EXOC4: variants seen among roughly 807,000 people sequenced by gnomAD.
EXOC4 encodes exocyst complex component 4.
Under a neutral mutation model 107.2 loss-of-function variants are expected in EXOC4, and 71 were observed. The ratio of observed to expected loss-of-function variants is 0.66; its 90% CI spans 0.55 to 0.81. EXOC4 has a LOEUF of 0.81. Ranked by LOEUF, EXOC4 falls within the 30% of genes least tolerant of loss-of-function variation. The probability of loss-of-function intolerance (pLI) is 0.00; values close to 1 mark genes in which losing one functional copy is unlikely to be tolerated. For missense variants in EXOC4, 1,108 were observed against 1,189.6 expected (o/e 0.93, Z 1.01); for synonymous variants, 456 against 441.2 (o/e 1.03, Z -0.42).
intron 10 of EXOC4, among the ~76,000 whole-genome samples, chr7:133,716,616 A>T (rs962432421): frequency 6.6e-6 from 1 of 152,174 alleles, no homozygotes; most frequent in East Asian, 1.9e-4. Flanking sequence ...ATATGTTTGT[A>T]ATTATAGGAT....
chr7:133,487,250 C>T (rs1234009897), intron 9 of EXOC4, among the ~76,000 whole-genome samples: 1 of 152,184 alleles, frequency 6.6e-6, no homozygotes, highest in African/African-American at 2.4e-5. Context: ...TTGGTCATCA[C>T]ACAGAACCAG....
intron 10 of EXOC4, among the ~76,000 whole-genome samples, chr7:133,676,215 C>T (rs1259486097): frequency 6.6e-6 from 1 of 151,962 alleles, no homozygotes; most frequent in Non-Finnish European, 1.5e-5. Context: ...CTTCCTTGTA[C>T]TCTATGAGAA....
At chr7:133,527,331 G>T (rs1800099654) in intron 9 of EXOC4, among the ~76,000 whole-genome samples, 1 of 152,024 alleles carries the variant, frequency 6.6e-6, no homozygotes, top group Non-Finnish European at 1.5e-5. Flanking sequence ...ATGAACCTGG[G>T]ACGTGGAGGT....
intron 9 of EXOC4, among the ~76,000 whole-genome samples, chr7:133,493,756 G>T (rs2150877912): frequency 6.6e-6 from 1 of 152,134 alleles, no homozygotes; most frequent in African/African-American, 2.4e-5. Context: ...AATGTTAAGT[G>T]ACATCCATTT....
chr7:133,990,531 C>G (rs1794227785), intron 14 of EXOC4, among the ~76,000 whole-genome samples: 1 of 152,060 alleles, frequency 6.6e-6, no homozygotes, highest in African/African-American at 2.4e-5. Flanking sequence ...CTCACTGCAA[C>G]CTCCTCCTCC....
chr7:133,305,175 A>G (rs924467015), intron 3 of EXOC4, among the ~76,000 whole-genome samples: 2 of 150,932 alleles, frequency 1.3e-5, no homozygotes, highest in East Asian at 3.9e-4. Flanking sequence ...AGGCATTCCT[A>G]TACCAGTTTG....
At chr7:134,062,886 G>T (rs1384712902) in intron 17 of EXOC4, among the ~76,000 whole-genome samples, 1 of 152,198 alleles carries the variant, frequency 6.6e-6, no homozygotes, top group African/African-American at 2.4e-5. Context: ...TTCTATTACA[G>T]GCACAAGTCT....
intron 7 of EXOC4, among the ~76,000 whole-genome samples, chr7:133,472,062 C>T (rs1310498171): frequency 2.0e-5 from 3 of 152,030 alleles, no homozygotes; most frequent in African/African-American, 7.3e-5. Context: ...ATGAGAATGC[C>T]CACATATATT....
At chr7:133,821,925 T>C (rs762774046) in intron 11 of EXOC4, among the ~76,000 whole-genome samples, 1 of 152,190 alleles carries the variant, frequency 6.6e-6, no homozygotes, top group Non-Finnish European at 1.5e-5. Context: ...TACCAGGACA[T>C]GGCTGTGTTT....
At chr7:133,913,502 G>A (rs1799740882) in intron 12 of EXOC4, among the ~76,000 whole-genome samples, 1 of 152,200 alleles carries the variant, frequency 6.6e-6, no homozygotes, top group African/African-American at 2.4e-5. Flanking sequence ...ACCTGGACAG[G>A]AAATGACAGA....
At chr7:133,435,608 A>G (rs925341185) in intron 7 of EXOC4, among the ~76,000 whole-genome samples, 1 of 152,162 alleles carries the variant, frequency 6.6e-6, no homozygotes. Context: ...AGTTTCTGCT[A>G]TTCTTAGTGG....
At chr7:133,314,095 C>T (rs929828150) in intron 4 of EXOC4, among the ~76,000 whole-genome samples, 1 of 151,518 alleles carries the variant, frequency 6.6e-6, no homozygotes, top group African/African-American at 2.4e-5. Flanking sequence ...GATTAAAAAC[C>T]CGTTGAAGGT....
intron 10 of EXOC4, among the ~76,000 whole-genome samples, chr7:133,724,422 A>T (rs1416118442): frequency 6.6e-6 from 1 of 152,224 alleles, no homozygotes; most frequent in South Asian, 2.1e-4. Context: ...GTTTTCATTC[A>T]TAAGTTCATT....
intron 3 of EXOC4, among the ~76,000 whole-genome samples, chr7:133,292,030 T>A (rs2150550315): frequency 6.6e-6 from 1 of 152,266 alleles, no homozygotes; most frequent in Admixed American, 6.5e-5. Context: ...GGTGAAGAGA[T>A]TCTCTCATCT....
At chr7:133,989,867 A>G (rs1234587870) in intron 14 of EXOC4, among the ~76,000 whole-genome samples, 1 of 152,170 alleles carries the variant, frequency 6.6e-6, no homozygotes, top group East Asian at 1.9e-4. Context: ...GCGAATTTGG[A>G]AAAATTGCTG....
intron 7 of EXOC4, among the ~76,000 whole-genome samples, chr7:133,414,742 T>A (rs1797435764): frequency 6.6e-6 from 1 of 152,204 alleles, no homozygotes; most frequent in South Asian, 2.1e-4. Context: ...GTCTATATTC[T>A]GTATTATAGA....
chr7:133,680,665 T>C (rs1794167357), intron 10 of EXOC4, among the ~76,000 whole-genome samples: 1 of 152,258 alleles, frequency 6.6e-6, no homozygotes, highest in African/African-American at 2.4e-5. Context: ...ATAATTTCGC[T>C]AGGACCTATG....
intron 7 of EXOC4, among the ~76,000 whole-genome samples, chr7:133,386,248 A>G (rs1246167740): frequency 6.6e-6 from 1 of 152,222 alleles, no homozygotes; most frequent in Non-Finnish European, 1.5e-5. Context: ...TAGTGGCTTC[A>G]GATTAGATCA....
At chr7:133,879,451 T>C (rs1798918859) in intron 11 of EXOC4, among the ~76,000 whole-genome samples, 2 of 152,200 alleles carry the variant, frequency 1.3e-5, no homozygotes. Flanking sequence ...TTCCTTAAAA[T>C]AGGACTTTTT....
Sources: gnomAD v4.1 joint callset for allele counts (sites outside exome capture counted in the v4.1 genomes callset) on GRCh38, gnomAD v4.1.1 for gene constraint, MANE v1.5 for transcripts, NCBI Gene and HGNC (gene_info 2026-07-23, HGNC 2026-07-21) for gene names.